Variants in BCAR3 observed in about 807,000 individuals in gnomAD.
The protein encoded by BCAR3 is BCAR3 adaptor protein, NSP family member, also known as breast cancer anti-estrogen resistance protein 3.
In BCAR3, 37 loss-of-function variants were observed where a neutral mutation model predicts 80.1. That is an observed-to-expected ratio of 0.46 (90% CI 0.36 to 0.61). BCAR3 has a LOEUF of 0.61. Among genes scored for constraint, BCAR3 ranks in the 20% least tolerant of loss-of-function variants. The pLI is 0.00. For synonymous variants in BCAR3, 389 were observed against 418.9 expected (o/e 0.93, Z 0.87); for missense variants, 978 against 1,068.2 (o/e 0.92, Z 1.18).
chr1:93,704,400 T>C (rs1571060865), intron 3 of BCAR3, among the ~76,000 whole-genome samples: 1 of 152,170 alleles, frequency 6.6e-6, no homozygotes, highest in African/African-American at 2.4e-5. Context: ...GGCTGTTGGG[T>C]GCTCATTACA....
chr1:93,667,762 A>G (rs1647994329), intron 2 of BCAR3, among the ~76,000 whole-genome samples: 1 of 152,222 alleles, frequency 6.6e-6, no homozygotes, highest in African/African-American at 2.4e-5. Context: ...TCTTGGTGAC[A>G]GACTGGATAG....
chr1:93,717,462 C>T (rs959003428), intron 2 of BCAR3, among the ~76,000 whole-genome samples: 4 of 152,102 alleles, frequency 2.6e-5, no homozygotes, highest in Non-Finnish European at 1.5e-5. Context: ...CAGTGGCTCA[C>T]GCCTGTAATC....
At chr1:93,607,168 T>C (rs1470743915) in intron 3 of BCAR3, among the ~76,000 whole-genome samples, 1 of 152,088 alleles carries the variant, frequency 6.6e-6, no homozygotes, top group Non-Finnish European at 1.5e-5. Context: ...ATTTGGGTGG[T>C]GAGTACATTG....
At chr1:93,637,829 T>G (rs1292060358) in intron 3 of BCAR3, among the ~76,000 whole-genome samples, 2 of 152,204 alleles carry the variant, frequency 1.3e-5, no homozygotes, top group Non-Finnish European at 2.9e-5. Context: ...TCCAGCCTAT[T>G]CTAGGCATGG....
chr1:93,639,389 G>A (rs959747966), intron 3 of BCAR3, among the ~76,000 whole-genome samples: 1 of 152,066 alleles, frequency 6.6e-6, no homozygotes, highest in African/African-American at 2.4e-5. Flanking sequence ...GAGGCAGGAG[G>A]CAGTCCCAGA....
intron 2 of BCAR3, among the ~76,000 whole-genome samples, chr1:93,652,794 G>T (rs982958645): frequency 6.6e-6 from 1 of 152,244 alleles, no homozygotes; most frequent in African/African-American, 2.4e-5. Context: ...CAACAGGGAA[G>T]CCAGCAGGGT....
At chr1:93,688,690 G>C (rs1205623802) in intron 3 of BCAR3, among the ~76,000 whole-genome samples, 2 of 152,036 alleles carry the variant, frequency 1.3e-5, no homozygotes, top group Non-Finnish European at 2.9e-5. Context: ...CCATCTTCTG[G>C]GTTCAAGCAA....
chr1:93,766,143 C>T (rs1255940138), intron 2 of BCAR3, among the ~76,000 whole-genome samples: 1 of 152,146 alleles, frequency 6.6e-6, no homozygotes, highest in African/African-American at 2.4e-5. Flanking sequence ...ATGAGTTTGA[C>T]CAACATCTTT....
chr1:93,759,447 T>C (rs779158439), intron 2 of BCAR3, among the ~76,000 whole-genome samples: 35 of 152,060 alleles, frequency 2.3e-4, no homozygotes, highest in Non-Finnish European at 4.6e-4. Flanking sequence ...GCACCAGAGG[T>C]GGCACCTGGC....
intron 2 of BCAR3, among the ~76,000 whole-genome samples, chr1:93,777,456 TTCC>T (rs766524018): frequency 4.2e-4 from 58 of 138,702 alleles, no homozygotes; most frequent in East Asian, 9.0e-4. Flanking sequence ...CCTCCTCCTC[TTCC>T]TCCTCCTCTT....
chr1:93,750,428 C>T (rs1431474356), intron 2 of BCAR3, among the ~76,000 whole-genome samples: 3 of 152,218 alleles, frequency 2.0e-5, no homozygotes, highest in East Asian at 3.8e-4. Flanking sequence ...AAACTGTAAA[C>T]ATTCTGTGAG....
chr1:93,836,895 C>T (rs1002843800), intron 2 of BCAR3, among the ~76,000 whole-genome samples: 1 of 152,140 alleles, frequency 6.6e-6, no homozygotes, highest in African/African-American at 2.4e-5. Flanking sequence ...TGACCCCCGC[C>T]CCTGCCTGCA....
intron 2 of BCAR3, among the ~76,000 whole-genome samples, chr1:93,765,687 T>G (rs577316912): frequency 1.3e-5 from 2 of 151,768 alleles, no homozygotes; most frequent in Non-Finnish European, 2.9e-5. Context: ...TTTTTTTTTT[T>G]AGAGAGAGTC....
At chr1:93,600,605 T>G (rs1407892864) in intron 3 of BCAR3, 1 of 152,234 alleles carries the variant, frequency 6.6e-6, no homozygotes. Context: ...AGTCAAGTAA[T>G]GCCTTTTTCC....
Position 93,563,347 on chromosome 1 carries a change from T to C in BCAR3, c.2300-928A>G, listed in dbSNP as rs150822277. On this transcript the variant is annotated intron_variant, in intron 11 of 11. Transcript: ENST00000260502. ...GTGACTTCTTTCACTTAGCATGATG[T>C]TTTTGAGATTATTCCATATGTTGCA... Among the ~76,000 whole-genome samples the C allele has an allele frequency of 1.4e-4, 22 of 152,318 alleles. No individual in the cohort carries two copies. The East Asian group carries it at 4.2e-3, about 29-fold the overall frequency.
At chr1:93,665,631 C>G (rs983591130) in intron 2 of BCAR3, among the ~76,000 whole-genome samples, 1 of 152,140 alleles carries the variant, frequency 6.6e-6, no homozygotes, top group Non-Finnish European at 1.5e-5. Flanking sequence ...TCTGTGCAGA[C>G]TCCTAACTTT....
intron 2 of BCAR3, among the ~76,000 whole-genome samples, chr1:93,667,271 C>A (rs889143368): frequency 3.9e-5 from 6 of 152,180 alleles, no homozygotes. Flanking sequence ...CAGGTGGGAG[C>A]TAGGAGCAGG....
intron 2 of BCAR3, among the ~76,000 whole-genome samples, chr1:93,799,210 C>T (rs1433117323): frequency 6.6e-6 from 1 of 152,022 alleles, no homozygotes; most frequent in Non-Finnish European, 1.5e-5. Flanking sequence ...TATATTTTCC[C>T]CCGTGTTTTG....
At chr1:93,754,269 T>C in intron 2 of BCAR3, 1 of 152,216 alleles carries the variant, frequency 6.6e-6, no homozygotes. Flanking sequence ...CACATCCTAC[T>C]GGATTCCTCT....
Sources: gnomAD v4.1 joint callset for allele counts (sites outside exome capture counted in the v4.1 genomes callset) on GRCh38, gnomAD v4.1.1 for gene constraint, MANE v1.5 for transcripts, NCBI Gene and HGNC (gene_info 2026-07-23, HGNC 2026-07-21) for gene names.